The following APPL1 variants were observed in gnomAD, a reference collection of about 807,000 sequenced individuals.
APPL1 encodes the protein adaptor protein, phosphotyrosine interacting with PH domain and leucine zipper 1.
A neutral mutation model predicts 106.8 loss-of-function variants in APPL1; 42 were observed. The observed-to-expected ratio is 0.39, with a 90% CI of 0.31 to 0.51. The LOEUF is 0.51. Ranked by LOEUF, APPL1 falls within the 20% of genes least tolerant of loss-of-function variation. The pLI, the probability that APPL1 is intolerant of heterozygous loss-of-function variation, is 0.75. For synonymous variants in APPL1, 263 were observed against 281.8 expected, an observed-to-expected ratio of 0.93 and a Z score of 0.67; for missense variants, 769 against 858.2, an observed-to-expected ratio of 0.90 and a Z score of 1.30.
At chr3:57,235,719 T>C (rs2060713041) in intron 2 of APPL1, 55 bp downstream of exon 2, 1 of 1,283,012 alleles carries the variant, frequency 7.8e-7, no homozygotes, top group Admixed American at 1.7e-5. Context: ...TTAAGCCTCA[T>C]GAGGACAGAT....
At chr3:57,231,788 A>G (rs2060688190) in intron 1 of APPL1, among the ~76,000 whole-genome samples, 1 of 151,438 alleles carries the variant, frequency 6.6e-6, no homozygotes, top group African/African-American at 2.4e-5. Flanking sequence ...AGCCTGGGTA[A>G]CAGAACGAGG....
chr3:57,233,780 G>C (rs2060701510), intron 1 of APPL1, among the ~76,000 whole-genome samples: 1 of 151,704 alleles, frequency 6.6e-6, no homozygotes, highest in Non-Finnish European at 1.5e-5. Flanking sequence ...GTTGATTTAA[G>C]AAAAAAAAAT....
rs116302439 is a variant in APPL1 at position 57,247,534 on chromosome 3, A to G, written c.704+57A>G. 9.0e-5 allele frequency: 96 copies of G among 1,066,076 alleles called. No individual in the cohort carries two copies. The African/African-American group carries it at 1.4e-3, about 16-fold the overall frequency. 66.0% of individuals were successfully genotyped at this position (1,066,076 alleles called of 1,614,324 possible). A position where few individuals can be genotyped will look rare whatever the true frequency, so the allele number is the denominator to read the frequency against. On this transcript the variant is annotated intron_variant, in intron 9 of 21. Coordinates refer to ENST00000288266, the MANE Select transcript of APPL1 (RefSeq NM_012096.3). Reference sequence around the variant, plus strand: ...AAATGATGTGAATGATAACAGCTCAATGACATAATGTAAAGATATTTATCA... The same window carrying G: ...AAATGATGTGAATGATAACAGCTCAGTGACATAATGTAAAGATATTTATCA...
At chr3:57,252,223 A>G in intron 11 of APPL1, 46 bp from the exon 12 acceptor site, 1 of 1,511,352 alleles carries the variant, frequency 6.6e-7, no homozygotes, top group South Asian at 1.2e-5. Flanking sequence ...TTATGTTGAA[A>G]ATACTTTTTT....
At chr3:57,265,517 T>C (rs941525786) in intron 19 of APPL1, among the ~76,000 whole-genome samples, 3 of 152,126 alleles carry the variant, frequency 2.0e-5, no homozygotes, top group East Asian at 1.9e-4. Flanking sequence ...TCTGTGGCTA[T>C]TGTAAGTGAG....
At chr3:57,247,889 G>C (rs999752554) in intron 9 of APPL1, among the ~76,000 whole-genome samples, 1 of 152,132 alleles carries the variant, frequency 6.6e-6, no homozygotes, top group Non-Finnish European at 1.5e-5. Flanking sequence ...GTCAGTCCAC[G>C]GTATGGAGAG....
intron 13 of APPL1, among the ~76,000 whole-genome samples, chr3:57,255,477 A>G (rs935152577): frequency 9.2e-5 from 14 of 152,216 alleles, no homozygotes; most frequent in Non-Finnish European, 2.1e-4. Context: ...AAGGGAAGAG[A>G]AGAAGAATTT....
Position 57,268,500 on chromosome 3 carries a change from A to G in APPL1, c.1983+13A>G, listed in dbSNP as rs200168280. On this transcript the variant is annotated intron_variant, in intron 21 of 21. Coordinates refer to ENST00000288266, the MANE Select transcript of APPL1 (RefSeq NM_012096.3). ...ACAGATTGAAAAGGTATACAGTCCT[A>G]ATGTCTGGATCTTTATGTGTTGTTT... 1.5e-5 allele frequency: 23 copies of G among 1,580,372 alleles called. No homozygotes were observed. In the South Asian group the frequency reaches 2.7e-4, roughly 19 times the overall value.
intron 1 of APPL1, among the ~76,000 whole-genome samples, chr3:57,233,486 G>GAA (rs1419794871): frequency 1.6e-5 from 2 of 125,854 alleles, no homozygotes; most frequent in African/African-American, 2.9e-5. Context: ...CCCATTTTTA[G>GAA]AAAAAAAAAA....
chr3:57,259,820 T>C (rs750098165), intron 16 of APPL1, 25 bp from the exon 17 acceptor site: 4 of 1,489,716 alleles, frequency 2.7e-6, no homozygotes, highest in Non-Finnish European at 3.6e-6. Flanking sequence ...AAAAAAAATA[T>C]GTAATACACC....
intron 19 of APPL1, among the ~76,000 whole-genome samples, chr3:57,261,754 G>A (rs1252088609): frequency 6.6e-6 from 1 of 152,064 alleles, no homozygotes; most frequent in Admixed American, 6.6e-5. Context: ...TCCTGACCTC[G>A]TGATCTGCCT....
At chr3:57,250,085 C>T (rs1164380149) in intron 11 of APPL1, among the ~76,000 whole-genome samples, 1 of 152,072 alleles carries the variant, frequency 6.6e-6, no homozygotes, top group Non-Finnish European at 1.5e-5. Flanking sequence ...AAATGTTAAT[C>T]AAGTATTTCT....
intron 11 of APPL1, among the ~76,000 whole-genome samples, chr3:57,250,223 C>T (rs1440507947): frequency 6.6e-6 from 1 of 152,110 alleles, no homozygotes; most frequent in Non-Finnish European, 1.5e-5. Flanking sequence ...TCACTGTAGC[C>T]TCAACCTCCT....
chr3:57,244,936 G>A (rs1221699059), intron 7 of APPL1, among the ~76,000 whole-genome samples: 1 of 152,174 alleles, frequency 6.6e-6, no homozygotes, highest in Non-Finnish European at 1.5e-5. Flanking sequence ...GACAAGACTT[G>A]TGGTAATAGG....
chr3:57,235,040 G>A (rs1241074216), intron 1 of APPL1, among the ~76,000 whole-genome samples: 1 of 152,066 alleles, frequency 6.6e-6, no homozygotes, highest in African/African-American at 2.4e-5. Flanking sequence ...GTATAAAGAA[G>A]AAGAAAGGAA....
chr3:57,249,546 A>G lies in APPL1; in HGVS notation c.1050A>G (p.Lys350=), dbSNP rs746135816. The G allele has an allele frequency of 3.8e-6, 6 of 1,560,652 alleles. No homozygotes were observed. The highest frequency in any genetic ancestry group is 5.2e-6 in the Non-Finnish European group (6 of 1,157,528). The change falls in exon 11 of 22, where the codon AAA becomes AAG. Residue 350 remains lysine (K), a splice_region_variant and synonymous_variant. Transcript: ENST00000288266. The part of the protein sequence containing the change: ...YCFQITSFDG[K]KSSILQAESK... ...TTCAGATCACCTCTTTCGATGGAAA[A>G]AAGTTAGTATTTTTTTTCTACTACT...
chr3:57,236,367 C>T (rs1467906282), intron 2 of APPL1, among the ~76,000 whole-genome samples: 2 of 138,256 alleles, frequency 1.4e-5, no homozygotes, highest in African/African-American at 2.7e-5. Context: ...TTGCTAATGT[C>T]TCCCAGGCTG....
chr3:57,247,982 T>C lies in APPL1; in HGVS notation c.705-211T>C, dbSNP rs9826459. Reference sequence around the variant, plus strand: ...AAAATCAGGCATTCGGGGGGCTTCATTTGTTTTTTGAATTTAGTATTGTTT... The same window carrying C: ...AAAATCAGGCATTCGGGGGGCTTCACTTGTTTTTTGAATTTAGTATTGTTT... On this transcript the variant is annotated intron_variant, in intron 9 of 21. Transcript: ENST00000288266. Among the ~76,000 whole-genome samples the C allele has an allele frequency of 0.083, 12,692 of 152,266 alleles. 1,763 individuals carry two copies. The highest frequency in any genetic ancestry group is 0.29 in the African/African-American group (11,908 of 41,506).
At position 57,246,078 on chromosome 3, in the gene APPL1, G is replaced by T; in HGVS notation, c.477G>T (p.Val159=). 1 of 1,566,138 alleles carries T rather than the reference G, an allele frequency of 6.4e-7. No individual in the cohort carries two copies. Among genetic ancestry groups the T allele is most frequent in the Non-Finnish European group, 8.6e-7 (1 of 1,161,644 alleles). Residue 159 remains valine, a splice_region_variant and synonymous_variant, in exon 8 of 22, where the codon GTG becomes GTT. Transcript: ENST00000288266. ...RLSKKRENDK[V]KYEVTEDVYT... ...TATTTAAATCTTTTCATTCAAAGGTGAAGTATGAAGTAACAGAAGATGTGT... is the reference window on the plus strand; with the variant it reads ...TATTTAAATCTTTTCATTCAAAGGTTAAGTATGAAGTAACAGAAGATGTGT...
Sources: gnomAD v4.1 joint callset for allele counts (sites outside exome capture counted in the v4.1 genomes callset) on GRCh38, gnomAD v4.1.1 for gene constraint, MANE v1.5 for transcripts, NCBI Gene and HGNC (gene_info 2026-07-23, HGNC 2026-07-21) for gene names.